Variants in GABRB1 observed in about 807,000 individuals in gnomAD.
GABRB1 encodes gamma-aminobutyric acid receptor subunit beta-1.
Under a neutral mutation model 51.6 loss-of-function variants are expected in GABRB1, and 17 were observed. The observed-to-expected ratio is 0.33, with a 90% CI of 0.23 to 0.49. The LOEUF is 0.49. GABRB1 is among the 20% of genes least tolerant of loss of function. GABRB1 has a pLI of 0.99. For missense variants in GABRB1, 410 were observed against 600.6 expected (o/e 0.68, Z 3.32); for synonymous variants, 247 against 218.9 (o/e 1.13, Z -1.14).
At chr4:47,135,472 A>G (rs544507782) in intron 3 of GABRB1, among the ~76,000 whole-genome samples, 1 of 152,292 alleles carries the variant, frequency 6.6e-6, no homozygotes, top group Admixed American at 6.5e-5. Flanking sequence ...AAAGTGTGCC[A>G]AAAGAAGAGA....
chr4:47,001,932 G>A (rs1039197845), intron 1 of GABRB1, among the ~76,000 whole-genome samples: 5 of 152,158 alleles, frequency 3.3e-5, no homozygotes, highest in Admixed American at 6.5e-5. Context: ...ATATGAAATT[G>A]TTACAGAACT....
chr4:47,118,924 G>T (rs981066911), intron 3 of GABRB1, among the ~76,000 whole-genome samples: 7 of 152,156 alleles, frequency 4.6e-5, no homozygotes, highest in Admixed American at 1.3e-4. Context: ...GGAAAAGAGA[G>T]GGTTAATTAA....
intron 3 of GABRB1, among the ~76,000 whole-genome samples, chr4:47,090,697 G>T (rs1015311207): frequency 6.6e-6 from 1 of 152,190 alleles, no homozygotes; most frequent in Non-Finnish European, 1.5e-5. Context: ...AAACGTTAGA[G>T]AACCTACTAC....
Position 47,403,311 on chromosome 4 carries a change from G to A in GABRB1, c.545-7G>A, listed in dbSNP as rs756559058. 6.2e-7 allele frequency: 1 copy of A among 1,613,386 alleles called. No homozygotes were observed. ...TTGTTTAACCGTGCTGTTTTTATTG[G>A]TTTCAGATGGCTATACCACTGATGA... is the stretch of plus-strand genomic sequence containing the variant. On this transcript the variant is annotated splice_region_variant and splice_polypyrimidine_tract_variant and intron_variant, in intron 5 of 8. Coordinates refer to ENST00000295454, the MANE Select transcript of GABRB1 (RefSeq NM_000812.4).
intron 4 of GABRB1, among the ~76,000 whole-genome samples, chr4:47,300,927 C>T (rs1724236012): frequency 6.6e-6 from 1 of 152,154 alleles, no homozygotes. Flanking sequence ...TGTTATCTGT[C>T]ACCCAAAGAG....
intron 3 of GABRB1, among the ~76,000 whole-genome samples, chr4:47,062,458 T>TAC (rs1450242386): frequency 6.6e-6 from 1 of 150,890 alleles, no homozygotes; most frequent in Non-Finnish European, 1.5e-5. Context: ...TATATATATA[T>TAC]ATTTAAATGT....
chr4:47,077,967 TA>T lies in GABRB1; in HGVS notation c.240+45484del, dbSNP rs1236859813. The stretch of plus-strand genomic sequence containing the variant: ...ATATATATTATATATTTTATATATA[TA>T]TTTTATATATAATATATAATATATA... On this transcript the variant is annotated intron_variant, in intron 3 of 8. Coordinates refer to ENST00000295454, the MANE Select transcript of GABRB1 (RefSeq NM_000812.4). 1.1e-4 allele frequency among the ~76,000 whole-genome samples: 11 copies of T among 101,432 alleles called. 1 individual carries two copies. The highest frequency in any genetic ancestry group is 4.6e-4 in the African/African-American group (11 of 24,034). 66.5% of individuals were successfully genotyped at this position (101,432 alleles called of 152,430 possible). A position where few individuals can be genotyped will look rare whatever the true frequency, so the allele number is the denominator to read the frequency against.
upstream of GABRB1, chr4:47,031,529 C>T (rs1009562044): frequency 1.3e-6 from 1 of 764,452 alleles, no homozygotes; most frequent in African/African-American, 1.7e-5. Context: ...CACAAGGTGT[C>T]TTTTGGTAGT....
intron 4 of GABRB1, among the ~76,000 whole-genome samples, chr4:47,226,728 C>T (rs1203052532): frequency 6.6e-6 from 1 of 152,112 alleles, no homozygotes; most frequent in African/African-American, 2.4e-5. Flanking sequence ...TAAATAAGCT[C>T]ACCACATTTT....
chr4:47,097,237 C>T (rs1322091338), intron 3 of GABRB1, among the ~76,000 whole-genome samples: 1 of 152,162 alleles, frequency 6.6e-6, no homozygotes, highest in Non-Finnish European at 1.5e-5. Context: ...GACATTATCT[C>T]CTGCTCCTTT....
chr4:47,358,162 C>T (rs941904615), intron 5 of GABRB1, among the ~76,000 whole-genome samples: 5 of 152,056 alleles, frequency 3.3e-5, no homozygotes, highest in African/African-American at 1.2e-4. Context: ...AGGCCGTTCA[C>T]TTAGCCAGTA....
intron 4 of GABRB1, among the ~76,000 whole-genome samples, chr4:47,243,138 A>G (rs1369371762): frequency 1.3e-5 from 2 of 152,252 alleles, no homozygotes; most frequent in African/African-American, 2.4e-5. Flanking sequence ...TTTATTAAAT[A>G]GGGAATCCTT....
chr4:47,249,512 G>GT (rs1351262253), intron 4 of GABRB1, among the ~76,000 whole-genome samples: 1 of 151,884 alleles, frequency 6.6e-6, no homozygotes, highest in East Asian at 1.9e-4. Flanking sequence ...TTCTGTATAT[G>GT]CCTGTTAATT....
At chr4:47,042,428 A>G (rs951901060) in intron 3 of GABRB1, among the ~76,000 whole-genome samples, 2 of 141,084 alleles carry the variant, frequency 1.4e-5, no homozygotes, top group African/African-American at 5.1e-5. Context: ...ATATATATAT[A>G]TATATATATA....
chr4:47,326,040 C>G (rs1342796330), intron 5 of GABRB1, among the ~76,000 whole-genome samples: 1 of 152,164 alleles, frequency 6.6e-6, no homozygotes, highest in East Asian at 1.9e-4. Flanking sequence ...AATAAACTTT[C>G]ATCAGTTTTA....
intron 4 of GABRB1, among the ~76,000 whole-genome samples, chr4:47,185,810 A>G (rs1719153993): frequency 6.6e-6 from 1 of 151,842 alleles, no homozygotes; most frequent in African/African-American, 2.4e-5. Flanking sequence ...TTTTTTAAAA[A>G]AATTTAACTT....
chr4:47,377,139 G>A (rs1179939644), intron 5 of GABRB1, among the ~76,000 whole-genome samples: 1 of 152,126 alleles, frequency 6.6e-6, no homozygotes, highest in South Asian at 2.1e-4. Context: ...GTTTGGAGTT[G>A]TGCGTTTTTT....
chr4:47,220,690 T>C (rs1720734266), intron 4 of GABRB1, among the ~76,000 whole-genome samples: 1 of 152,014 alleles, frequency 6.6e-6, no homozygotes, highest in South Asian at 2.1e-4. Flanking sequence ...CTTTGATTTC[T>C]GCACACTTCT....
intron 4 of GABRB1, among the ~76,000 whole-genome samples, chr4:47,172,954 G>A (rs1347152580): frequency 2.0e-5 from 3 of 152,056 alleles, no homozygotes; most frequent in Non-Finnish European, 2.9e-5. Flanking sequence ...AATAAAGACA[G>A]GGATAGAGCT....
Sources: allele counts gnomAD v4.1 joint callset (sites outside exome capture counted in the v4.1 genomes callset), GRCh38; gene constraint gnomAD v4.1.1; transcripts MANE v1.5; gene names NCBI Gene and HGNC (gene_info 2026-07-23, HGNC 2026-07-21).